Variants in TSHZ2 observed in about 807,000 individuals in gnomAD.
The protein encoded by TSHZ2 is teashirt zinc finger homeobox 2.
Under a neutral mutation model 74.4 loss-of-function variants are expected in TSHZ2, and 21 were observed. The observed-to-expected ratio is 0.28, with a 90% CI of 0.20 to 0.41. The LOEUF is 0.41. Among genes scored for constraint, TSHZ2 ranks in the 10% least tolerant of loss-of-function variants. The pLI, the probability that TSHZ2 is intolerant of heterozygous loss-of-function variation, is 1.00. For missense variants in TSHZ2, 1,244 were observed against 1,293.5 expected, an observed-to-expected ratio of 0.96 and a Z score of 0.59; for synonymous variants, 540 against 515.3, an observed-to-expected ratio of 1.05 and a Z score of -0.65.
At chr20:53,284,902 G>C (rs1832129253) in intron 2 of TSHZ2, among the ~76,000 whole-genome samples, 1 of 152,124 alleles carries the variant, frequency 6.6e-6, no homozygotes, top group Admixed American at 6.5e-5. Flanking sequence ...CCTTACTCTT[G>C]ACAGGCCTGA....
chr20:53,166,256 C>T (rs765660151), intron 1 of TSHZ2, among the ~76,000 whole-genome samples: 2 of 152,154 alleles, frequency 1.3e-5, no homozygotes, highest in African/African-American at 4.8e-5. Flanking sequence ...TTACTTTATT[C>T]AACAAATGTT....
intron 1 of TSHZ2, among the ~76,000 whole-genome samples, chr20:53,020,461 G>A (rs900312978): frequency 3.3e-5 from 5 of 152,168 alleles, no homozygotes; most frequent in African/African-American, 4.8e-5. Context: ...TACAAGCTAG[G>A]ATCTGGTGTT....
intron 2 of TSHZ2, among the ~76,000 whole-genome samples, chr20:53,358,005 G>A (rs956503228): frequency 3.3e-5 from 5 of 152,152 alleles, no homozygotes; most frequent in African/African-American, 1.2e-4. Context: ...ACTTTCCCAA[G>A]TGGAAAACTA....
rs113491179 is a variant in TSHZ2 at position 53,173,565 on chromosome 20, G to A, written c.41-79934G>A. On this transcript the variant is annotated intron_variant, in intron 1 of 2. Coordinates refer to ENST00000371497, the MANE Select transcript of TSHZ2 (RefSeq NM_173485.6). ...AGAGGTTGCAGTGAGCCGACGTAGC[G>A]CCACTGCACTCCAGCCTGGGCAACA... Among the ~76,000 whole-genome samples the A allele has an allele frequency of 8.1e-3, 1,233 of 152,226 alleles. 14 individuals carry two copies. Among genetic ancestry groups the A allele is most frequent in the African/African-American group, 0.028 (1,157 of 41,534 alleles).
intron 1 of TSHZ2, among the ~76,000 whole-genome samples, chr20:52,987,133 G>A (rs911160403): frequency 5.9e-5 from 9 of 152,264 alleles, no homozygotes; most frequent in African/African-American, 1.2e-4. Context: ...GGATATCAGC[G>A]GGAAGCTCAG....
At position 53,181,368 on chromosome 20, in the gene TSHZ2, A is replaced by G. The variant is rs141917268; in HGVS notation, c.41-72131A>G. Among the ~76,000 whole-genome samples the G allele has an allele frequency of 8.5e-5, 13 of 152,342 alleles. No homozygotes were observed. In the East Asian group the frequency reaches 1.2e-3, roughly 14 times the overall value. Reference sequence around the variant, plus strand: ...GTCTGGGGTGTAATTGCTGCTGTGTACATATTTACTCCACAAACAACAGAC... The same window carrying G: ...GTCTGGGGTGTAATTGCTGCTGTGTGCATATTTACTCCACAAACAACAGAC... On this transcript the variant is annotated intron_variant, in intron 1 of 2. Transcript: ENST00000371497.
intron 1 of TSHZ2, among the ~76,000 whole-genome samples, chr20:52,999,104 GCCACATTCCACTCTTCA>G (rs1982314897): frequency 7.4e-5 from 4 of 53,928 alleles, no homozygotes; most frequent in Middle Eastern, 7.7e-3. Context: ...ACTCTTCACT[GCCACATTCCACTCTTCA>G]CTGCCACATT....
chr20:53,287,097 C>T (rs1344879171), intron 2 of TSHZ2, among the ~76,000 whole-genome samples: 1 of 152,058 alleles, frequency 6.6e-6, no homozygotes, highest in African/African-American at 2.4e-5. Flanking sequence ...AAGAGGGGCA[C>T]CCAGTCTTGT....
At chr20:53,031,584 G>T (rs1331502842) in intron 1 of TSHZ2, among the ~76,000 whole-genome samples, 1 of 152,160 alleles carries the variant, frequency 6.6e-6, no homozygotes, top group African/African-American at 2.4e-5. Context: ...ACAGAGCTGG[G>T]CACAGAGAAG....
At chr20:53,024,561 T>C (rs1048999431) in intron 1 of TSHZ2, among the ~76,000 whole-genome samples, 3 of 151,986 alleles carry the variant, frequency 2.0e-5, no homozygotes, top group Non-Finnish European at 2.9e-5. Context: ...TTTGGTTACA[T>C]AGGTATACAC....
intron 2 of TSHZ2, among the ~76,000 whole-genome samples, chr20:53,460,532 CCTT>C (rs766490844): frequency 0.011 from 1,603 of 152,322 alleles, 20 homozygotes; most frequent in Admixed American, 0.022. Context: ...TCGTCTGAAG[CCTT>C]CTTCTCTCAG....
intron 1 of TSHZ2, among the ~76,000 whole-genome samples, chr20:53,191,205 A>G (rs1988730277): frequency 6.6e-6 from 1 of 152,178 alleles, no homozygotes; most frequent in Non-Finnish European, 1.5e-5. Context: ...TGTATTGTAT[A>G]TGTAATGTAT....
At chr20:53,434,899 C>T (rs1983988826) in intron 2 of TSHZ2, among the ~76,000 whole-genome samples, 1 of 152,212 alleles carries the variant, frequency 6.6e-6, no homozygotes, top group African/African-American at 2.4e-5. Context: ...CTCAGCTCCT[C>T]GAGCGTGTTT....
chr20:52,975,617 T>C (rs1981303642), intron 1 of TSHZ2, among the ~76,000 whole-genome samples: 1 of 152,064 alleles, frequency 6.6e-6, no homozygotes, highest in Admixed American at 6.6e-5. Flanking sequence ...TTTGTATGAT[T>C]CTTATTATTT....
intron 1 of TSHZ2, 40 bp downstream of exon 1, chr20:52,973,373 C>A (rs1233727178): frequency 1.3e-6 from 2 of 1,548,356 alleles, no homozygotes; most frequent in African/African-American, 2.7e-5. Flanking sequence ...CCCTGTGCGC[C>A]GAGCTCCTCG....
intron 1 of TSHZ2, among the ~76,000 whole-genome samples, chr20:53,217,187 A>G (rs1989457196): frequency 6.6e-6 from 1 of 152,056 alleles, no homozygotes; most frequent in South Asian, 2.1e-4. Context: ...TGAAAGGGGG[A>G]TAGTGCGAGA....
intron 2 of TSHZ2, among the ~76,000 whole-genome samples, chr20:53,408,658 T>C (rs1469596207): frequency 6.6e-6 from 1 of 152,192 alleles, no homozygotes; most frequent in East Asian, 1.9e-4. Flanking sequence ...CTATTCGTCT[T>C]CAGCATTTTA....
intron 1 of TSHZ2, among the ~76,000 whole-genome samples, chr20:53,059,726 C>T (rs1188186702): frequency 6.6e-6 from 1 of 152,144 alleles, no homozygotes; most frequent in Non-Finnish European, 1.5e-5. Context: ...TTTTGTTTCA[C>T]GTTCCTATTG....
At chr20:53,016,370 A>G (rs1191805843) in intron 1 of TSHZ2, among the ~76,000 whole-genome samples, 1 of 152,224 alleles carries the variant, frequency 6.6e-6, no homozygotes, top group Non-Finnish European at 1.5e-5. Context: ...TAGGTTCACC[A>G]TGAGCTGGTG....
Sources: allele counts gnomAD v4.1 joint callset (sites outside exome capture counted in the v4.1 genomes callset), GRCh38; gene constraint gnomAD v4.1.1; transcripts MANE v1.5; gene names NCBI Gene and HGNC (gene_info 2026-07-23, HGNC 2026-07-21).